CLVS1: variants seen among roughly 807,000 people sequenced by gnomAD.
CLVS1 encodes clavesin-1.
A neutral mutation model predicts 33.1 loss-of-function variants in CLVS1; 10 were observed. The observed-to-expected ratio is 0.30, with a 90% CI of 0.19 to 0.51. CLVS1 has a LOEUF of 0.51. Ranked by LOEUF, CLVS1 falls within the 20% of genes least tolerant of loss-of-function variation. CLVS1 has a pLI of 0.97. For missense variants in CLVS1, 343 were observed against 433.4 expected (o/e 0.79, Z 1.85); for synonymous variants, 163 against 166.1 (o/e 0.98, Z 0.14).
At chr8:60,969,908 A>ATGTGT in the CLVS1 span, among the ~76,000 whole-genome samples, 2 of 152,200 alleles carry the variant, frequency 1.3e-5, no homozygotes, top group Non-Finnish European at 1.5e-5. Flanking sequence ...ATACAACAGG[A>ATGTGT]TGTGCATGGG....
chr8:61,143,027 C>G (rs113460328), intron 2 of CLVS1, among the ~76,000 whole-genome samples: 1 of 152,148 alleles, frequency 6.6e-6, no homozygotes, highest in Non-Finnish European at 1.5e-5. Context: ...GTTTTCTCTT[C>G]AGCTATTGAT....
chr8:61,401,425 C>T (rs111369125), intron 3 of CLVS1, among the ~76,000 whole-genome samples: 3,148 of 152,134 alleles, frequency 0.021, 91 homozygotes, highest in African/African-American at 0.071. Context: ...TGTCTTGTAT[C>T]GTTTTGAAGA....
intron 3 of CLVS1, among the ~76,000 whole-genome samples, chr8:61,401,499 A>C (rs995524098): frequency 3.3e-5 from 5 of 152,186 alleles, no homozygotes; most frequent in African/African-American, 1.2e-4. Context: ...ATCTTTAAAT[A>C]GGGAAATGAA....
chr8:61,025,645 T>C, the CLVS1 span, among the ~76,000 whole-genome samples: 1 of 152,224 alleles, frequency 6.6e-6, no homozygotes, highest in Non-Finnish European at 1.5e-5. Context: ...TTGTTGTTCA[T>C]GTTGTTTTTG....
At chr8:60,975,183 C>T in the CLVS1 span, among the ~76,000 whole-genome samples, 1 of 152,256 alleles carries the variant, frequency 6.6e-6, no homozygotes, top group Admixed American at 6.5e-5. Context: ...GGATTTAGAA[C>T]CTGTGTCTGA....
chr8:61,328,905 AATT>A (rs1002332248), intron 2 of CLVS1, among the ~76,000 whole-genome samples: 10 of 152,310 alleles, frequency 6.6e-5, no homozygotes, highest in African/African-American at 2.4e-4. Context: ...AAGTCAATAA[AATT>A]ATGAATGGCA....
chr8:60,990,465 C>T, the CLVS1 span, among the ~76,000 whole-genome samples: 2 of 152,214 alleles, frequency 1.3e-5, no homozygotes, highest in East Asian at 1.9e-4. Context: ...CCTCTTCTTC[C>T]CCAGGGTGGA....
At position 61,483,173 on chromosome 8, in the gene CLVS1, A is replaced by G. The variant is rs181296794; in HGVS notation, c.978-16282A>G. On this transcript the variant is annotated intron_variant, in intron 5 of 5. Transcript: ENST00000325897. ...CAGGAGCTGGTTTTTTGAAAAGATC[A>G]ACAAAATTGATAGACCACTAGCAAG... 9.6e-3 allele frequency among the ~76,000 whole-genome samples: 1,465 copies of G among 152,316 alleles called. 11 individuals carry two copies. The highest frequency in any genetic ancestry group is 0.034 in the African/African-American group (1,394 of 41,580).
intron 1 of CLVS1, among the ~76,000 whole-genome samples, chr8:61,111,587 TC>T (rs1482337301): frequency 6.6e-6 from 1 of 152,198 alleles, no homozygotes; most frequent in Non-Finnish European, 1.5e-5. Context: ...ATGGATCATT[TC>T]CATATTGGTT....
chr8:61,496,638 G>A (rs1804276759), intron 5 of CLVS1, among the ~76,000 whole-genome samples: 1 of 140,292 alleles, frequency 7.1e-6, no homozygotes, highest in South Asian at 2.5e-4. Context: ...TGGTATATAA[G>A]GTTGGACTGT....
intron 1 of CLVS1, among the ~76,000 whole-genome samples, chr8:61,076,872 T>G (rs1193961391): frequency 6.6e-6 from 1 of 152,194 alleles, no homozygotes; most frequent in East Asian, 1.9e-4. Context: ...TTTAATGCAA[T>G]GGTATATTTC....
intron 2 of CLVS1, among the ~76,000 whole-genome samples, chr8:61,267,371 A>G (rs1809331587): frequency 6.6e-6 from 1 of 152,192 alleles, no homozygotes; most frequent in Non-Finnish European, 1.5e-5. Context: ...GTATTTAAAA[A>G]TTAAGATGCA....
rs187332877 is a variant in CLVS1, at chr8:61,139,155, G to T, written c.-152+7295G>T. Among the ~76,000 whole-genome samples the T allele has an allele frequency of 2.3e-3, 356 of 152,296 alleles. 2 individuals carry two copies. The highest frequency in any genetic ancestry group is 7.4e-3 in the African/African-American group (307 of 41,584). On this transcript the variant is annotated intron_variant, in intron 2 of 2. Coordinates refer to the CLVS1 transcript ENST00000522621. ...GCGCTCTGCCCTCCTCAAAACGCAC[G>T]CGGGCAGTGAGGGGCTCATCGCCTG...
intron 2 of CLVS1, among the ~76,000 whole-genome samples, chr8:61,196,747 AC>A (rs769877118): frequency 1.4e-4 from 21 of 152,238 alleles, no homozygotes; most frequent in Non-Finnish European, 2.6e-4. Context: ...TAGGAGGCAG[AC>A]AGACATTTCC....
At chr8:61,386,449 C>G (rs1431791871) in intron 3 of CLVS1, among the ~76,000 whole-genome samples, 1 of 152,148 alleles carries the variant, frequency 6.6e-6, no homozygotes, top group Non-Finnish European at 1.5e-5. Context: ...CAAATTTAAA[C>G]AATTAGAATG....
intron 2 of CLVS1, among the ~76,000 whole-genome samples, chr8:61,141,593 G>A (rs1806309513): frequency 6.6e-6 from 1 of 152,080 alleles, no homozygotes; most frequent in Non-Finnish European, 1.5e-5. Context: ...CATAAAAATA[G>A]GTATTGTATG....
intron 2 of CLVS1, among the ~76,000 whole-genome samples, chr8:61,163,029 T>C (rs1261792530): frequency 6.6e-6 from 1 of 152,208 alleles, no homozygotes; most frequent in Non-Finnish European, 1.5e-5. Flanking sequence ...CCCATGGGGC[T>C]TTCTGTCATT....
intron 5 of CLVS1, among the ~76,000 whole-genome samples, chr8:61,491,141 A>T (rs1386078095): frequency 6.6e-6 from 1 of 152,204 alleles, no homozygotes; most frequent in East Asian, 1.9e-4. Context: ...CTATTTGAAC[A>T]AATTAACTTA....
intron 2 of CLVS1, among the ~76,000 whole-genome samples, chr8:61,204,537 T>C (rs777047803): frequency 9.2e-5 from 14 of 152,256 alleles, no homozygotes; most frequent in Non-Finnish European, 1.9e-4. Context: ...TGTTTCTGCC[T>C]GAAAATGTTA....
Sources: allele counts gnomAD v4.1 joint callset (sites outside exome capture counted in the v4.1 genomes callset), GRCh38; gene constraint gnomAD v4.1.1; transcripts MANE v1.5; gene names NCBI Gene and HGNC (gene_info 2026-07-23, HGNC 2026-07-21).